RPS6KA6: variants seen among roughly 807,000 people sequenced by gnomAD.
RPS6KA6 encodes the protein ribosomal protein S6 kinase alpha-6.
In RPS6KA6, 27 loss-of-function variants were observed where a neutral mutation model predicts 65.4. That is an observed-to-expected ratio of 0.41 (90% CI 0.30 to 0.57). RPS6KA6 has a LOEUF of 0.57. Among genes scored for constraint, RPS6KA6 ranks in the 20% least tolerant of loss-of-function variants. The pLI is 0.24. For missense variants in RPS6KA6, 486 were observed against 555.6 expected (o/e 0.87, Z 1.26); for synonymous variants, 190 against 184.2 (o/e 1.03, Z -0.26).
At chrX:84,069,225 G>A (rs1301068669) in intron 20 of RPS6KA6, among the ~76,000 whole-genome samples, 24 of 111,257 alleles carry the variant, frequency 2.2e-4, no homozygotes, top group Non-Finnish European at 2.3e-4. Context: ...TATATAGACC[G>A]ATGGAACAGA....
chrX:84,181,275 C>A (rs2035849574), intron 1 of RPS6KA6, among the ~76,000 whole-genome samples: 1 of 111,732 alleles, frequency 8.9e-6, no homozygotes, highest in Non-Finnish European at 1.9e-5. Context: ...TCTCCTTACT[C>A]AGCTAGTAAA....
intron 9 of RPS6KA6, 59 bp from the exon 10 acceptor site, chrX:84,117,513 A>G (rs2034591806): frequency 1.4e-6 from 1 of 736,539 alleles, no homozygotes; most frequent in Admixed American, 4.1e-5. Flanking sequence ...ATATAATAAG[A>G]TTCTCTAGAA....
At chrX:84,132,196 G>A (rs1371666053) in intron 8 of RPS6KA6, among the ~76,000 whole-genome samples, 1 of 110,768 alleles carries the variant, frequency 9.0e-6, no homozygotes, top group African/African-American at 3.3e-5. Context: ...GCCGTGGCAG[G>A]ATGATTGCTT....
rs1167499182 is a variant in RPS6KA6 at position 84,148,179 on chromosome X, G to A, written c.259-56C>T. 4.1e-6 allele frequency: 3 copies of A among 734,515 alleles called. No homozygotes were observed. In the African/African-American group the frequency reaches 6.6e-5, roughly 16 times the overall value. 60.5% of individuals were successfully genotyped at this position (734,515 alleles called of 1,213,427 possible). A position where few individuals can be genotyped will look rare whatever the true frequency, so the allele number is the denominator to read the frequency against. On this transcript the variant is annotated intron_variant, in intron 3 of 21. Coordinates refer to ENST00000262752, the MANE Select transcript of RPS6KA6 (RefSeq NM_014496.5). The stretch of plus-strand genomic sequence containing the variant: ...AAAATTCACATTTCTAGTCATTCTT[G>A]CTCTACACAAACACACCAGCATACA...
chrX:84,125,671 G>A (rs1420842075), intron 8 of RPS6KA6, among the ~76,000 whole-genome samples: 1 of 110,768 alleles, frequency 9.0e-6, no homozygotes, highest in East Asian at 2.8e-4. Context: ...TGGCTAACAC[G>A]GTGAAACCTG....
intron 20 of RPS6KA6, among the ~76,000 whole-genome samples, chrX:84,088,382 C>T (rs1294466283): frequency 1.8e-5 from 2 of 111,961 alleles, no homozygotes; most frequent in Non-Finnish European, 3.8e-5. Flanking sequence ...TTCCATAGAG[C>T]TGCTGTGGTT....
intron 2 of RPS6KA6, among the ~76,000 whole-genome samples, chrX:84,161,152 A>G (rs1426790670): frequency 9.0e-6 from 1 of 111,592 alleles, no homozygotes; most frequent in Non-Finnish European, 1.9e-5. Context: ...TCCTGGACTT[A>G]TGACAGTGTT....
chrX:84,169,208 ACT>A (rs1327893461), intron 1 of RPS6KA6, among the ~76,000 whole-genome samples: 1 of 111,140 alleles, frequency 9.0e-6, no homozygotes, highest in African/African-American at 3.3e-5. Flanking sequence ...AAGTGAACAG[ACT>A]CTCGTACCAG....
In RPS6KA6 at chrX:84,116,297, A is replaced by G; in HGVS notation, c.950-10T>C. On this transcript the variant is annotated splice_polypyrimidine_tract_variant and intron_variant, in intron 11 of 21. Transcript: ENST00000262752. ...TCAACTCCTTCTGATCCTATAAAAA[A>G]AAGAAATGATATTTTATTTTTATGA... The G allele has an allele frequency of 1.9e-6, 2 of 1,043,858 alleles. No individual in the cohort carries two copies. The highest frequency in any genetic ancestry group is 2.6e-6 in the Non-Finnish European group (2 of 766,335). The allele number at this position is 1,043,858 out of a possible 1,213,427, so 86.0% of individuals were successfully genotyped here.
At chrX:84,074,906 T>C (rs1303942092) in intron 20 of RPS6KA6, among the ~76,000 whole-genome samples, 1 of 111,467 alleles carries the variant, frequency 9.0e-6, no homozygotes, top group Admixed American at 9.6e-5. Context: ...GTATTCCTGA[T>C]GTTCAGAAAT....
rs1039153973 is a variant in RPS6KA6, at chrX:84,063,526, A to G, written c.*751T>C. 6 of 106,869 alleles carry G rather than the reference A, an allele frequency of 5.6e-5. No homozygotes were observed. Among genetic ancestry groups the G allele is most frequent in the African/African-American group, 1.0e-4 (3 of 29,541 alleles). The allele number at this position is 106,869 out of a possible 1,213,427, so 8.8% of individuals were successfully genotyped here. A position where few individuals can be genotyped will look rare whatever the true frequency, so the allele number is the denominator to read the frequency against. On this transcript the variant is annotated 3_prime_UTR_variant, in exon 22 of 22. Coordinates refer to ENST00000262752, the MANE Select transcript of RPS6KA6 (RefSeq NM_014496.5). ...TACACCAACAGTATAAAGCCTTTGGAAAAAAAAAAAGTTTCACTTGTACTA... is the reference window on the plus strand; with the variant it reads ...TACACCAACAGTATAAAGCCTTTGGGAAAAAAAAAAGTTTCACTTGTACTA...
rs1278582213 is a variant in RPS6KA6 at position 84,147,044 on chromosome X, G to A, written c.355C>T (p.Arg119Trp). The change falls in exon 5 of 22, where the codon CGG (arginine) becomes TGG (tryptophan). Residue 119 changes from arginine to tryptophan, a missense_variant. Physicochemically the swap from Arg to Trp is moderately radical, Grantham distance 101. This residue lies in a region of RPS6KA6 where 106 missense variants were observed against 105.0 expected (regional missense o/e 1.01). Transcript: ENST00000262752. ...KASLKVRDRVRTKMERDILVE... is the reference protein window; with the variant it reads ...KASLKVRDRVWTKMERDILVE... The stretch of plus-strand genomic sequence containing the variant: ...AGTATATCCCTCTCCATCTTTGTCC[G>A]AACTCTGTCTCGAACTAAAAATTAC... 1 of 1,168,004 alleles carries A rather than the reference G, an allele frequency of 8.6e-7. No homozygotes were observed. Among genetic ancestry groups the A allele is most frequent in the Non-Finnish European group, 1.2e-6 (1 of 862,899 alleles).
At chrX:84,087,109 C>T (rs1467082371) in intron 20 of RPS6KA6, among the ~76,000 whole-genome samples, 3 of 111,173 alleles carry the variant, frequency 2.7e-5, no homozygotes, top group African/African-American at 9.8e-5. Flanking sequence ...GTTTATCCAG[C>T]TTGGCATTCT....
chrX:84,124,961 T>C (rs1375104278), intron 8 of RPS6KA6, among the ~76,000 whole-genome samples: 2 of 111,934 alleles, frequency 1.8e-5, no homozygotes, highest in Non-Finnish European at 3.8e-5. Context: ...GGCAGCATAC[T>C]TTTCAGTGGA....
intron 7 of RPS6KA6, 22 bp downstream of exon 7, chrX:84,135,082 A>G: frequency 9.0e-7 from 1 of 1,105,144 alleles, no homozygotes; most frequent in Non-Finnish European, 1.2e-6. Flanking sequence ...GACAACATGA[A>G]AACAAAAGAA....
chrX:84,127,758 A>T (rs1311962047), intron 8 of RPS6KA6, among the ~76,000 whole-genome samples: 1 of 109,097 alleles, frequency 9.2e-6, no homozygotes, highest in Non-Finnish European at 1.9e-5. Context: ...ACCCAATGAA[A>T]CTCAACATCT....
At chrX:84,186,271 C>T (rs1409620895) in intron 1 of RPS6KA6, 1 of 389,419 alleles carries the variant, frequency 2.6e-6, no homozygotes, top group Non-Finnish European at 4.4e-6. Context: ...AAAAGGATTC[C>T]CACCTCCCAT....
chrX:84,108,482 G>T (rs1436772573), intron 12 of RPS6KA6, among the ~76,000 whole-genome samples: 1 of 111,496 alleles, frequency 9.0e-6, no homozygotes, highest in East Asian at 2.8e-4. Flanking sequence ...GAGAAGTGAT[G>T]GAATTGGGAA....
rs1163879413 is a variant in RPS6KA6, at chrX:84,063,900, G to A, written c.*377C>T. On this transcript the variant is annotated 3_prime_UTR_variant, in exon 22 of 22. Transcript: ENST00000262752. ...ATGTTTAAAAATACTAACATTGCTT[G>A]TCATTATACTATTATATATGTATAC... is the stretch of plus-strand genomic sequence containing the variant. 1 of 114,980 alleles carries A rather than the reference G, an allele frequency of 8.7e-6. No individual in the cohort carries two copies. Among genetic ancestry groups the A allele is most frequent in the Admixed American group, 9.4e-5 (1 of 10,604 alleles). 9.5% of individuals were successfully genotyped at this position (114,980 alleles called of 1,213,427 possible).
Sources: gnomAD v4.1 joint callset for allele counts (sites outside exome capture counted in the v4.1 genomes callset) on GRCh38, gnomAD v4.1.1 for gene constraint, gnomAD v4.1.1 regional missense constraint, MANE v1.5 for transcripts, NCBI Gene and HGNC (gene_info 2026-07-23, HGNC 2026-07-21) for gene names.